Variants in TMC1 observed in about 807,000 individuals in gnomAD.
TMC1 encodes transmembrane channel-like protein 1.
Under a neutral mutation model 105.8 loss-of-function variants are expected in TMC1, and 84 were observed. The ratio of observed to expected loss-of-function variants is 0.79; its 90% CI spans 0.67 to 0.95. The LOEUF (loss-of-function observed/expected upper bound fraction) is 0.95, where lower values mean the gene tolerates loss of function less well. Among genes scored for constraint, TMC1 ranks in the 40% least tolerant of loss-of-function variants. The pLI is 0.00. For missense variants in TMC1, 817 were observed against 914.1 expected, an observed-to-expected ratio of 0.89 and a Z score of 1.37; for synonymous variants, 315 against 311.5, an observed-to-expected ratio of 1.01 and a Z score of -0.12.
At chr9:72,675,992 T>C (rs1826196190) in intron 5 of TMC1, among the ~76,000 whole-genome samples, 1 of 152,170 alleles carries the variant, frequency 6.6e-6, no homozygotes, top group African/African-American at 2.4e-5. Context: ...AAATGACTGC[T>C]GGTCCTTTGT....
At chr9:72,772,385 G>A in intron 12 of TMC1, 28 bp from the exon 13 acceptor site, 1 of 1,613,526 alleles carries the variant, frequency 6.2e-7, no homozygotes, top group Non-Finnish European at 8.5e-7. Flanking sequence ...CACGACAACT[G>A]CTAAGTGGCT....
intron 1 of TMC1, among the ~76,000 whole-genome samples, chr9:72,556,540 C>A (rs746753566): frequency 5.9e-5 from 9 of 151,836 alleles, no homozygotes; most frequent in Non-Finnish European, 1.2e-4. Flanking sequence ...GGTTCTCAGA[C>A]GGACATAGTG....
intron 23 of TMC1, among the ~76,000 whole-genome samples, chr9:72,831,588 T>G (rs1485589188): frequency 1.3e-5 from 2 of 151,830 alleles, no homozygotes; most frequent in African/African-American, 4.8e-5. Context: ...CCCTCCCTGC[T>G]CCCCCCACCG....
At chr9:72,635,845 C>G (rs968114225) in intron 4 of TMC1, among the ~76,000 whole-genome samples, 2 of 152,184 alleles carry the variant, frequency 1.3e-5, no homozygotes, top group Admixed American at 6.5e-5. Flanking sequence ...TATCACCTCA[C>G]TGAATGCTTG....
chr9:72,732,659 A>G (rs562714968), intron 8 of TMC1, among the ~76,000 whole-genome samples: 1 of 152,260 alleles, frequency 6.6e-6, no homozygotes, highest in Non-Finnish European at 1.5e-5. Flanking sequence ...CACTGTTTCA[A>G]CTTTTGTATG....
At chr9:72,683,733 T>TTTTATATATATA (rs1179876329) in intron 5 of TMC1, among the ~76,000 whole-genome samples, 3 of 53,396 alleles carry the variant, frequency 5.6e-5, no homozygotes, top group African/African-American at 1.2e-4. Context: ...GTTACACATT[T>TTTTATATATATA]TATATATATA....
At chr9:72,756,876 T>C (rs1009446988) in intron 12 of TMC1, among the ~76,000 whole-genome samples, 2 of 152,162 alleles carry the variant, frequency 1.3e-5, no homozygotes, top group African/African-American at 4.8e-5. Flanking sequence ...GTAAGAGAGT[T>C]ACTAATGAGT....
chr9:72,729,400 T>G (rs976898999), intron 8 of TMC1, among the ~76,000 whole-genome samples: 1 of 152,106 alleles, frequency 6.6e-6, no homozygotes, highest in Non-Finnish European at 1.5e-5. Context: ...CTCTTTTTGC[T>G]TGTTCTTAGT....
chr9:72,636,145 AG>A (rs1244879199), intron 4 of TMC1, among the ~76,000 whole-genome samples: 2 of 152,172 alleles, frequency 1.3e-5, no homozygotes, highest in Non-Finnish European at 2.9e-5. Flanking sequence ...CTGAGGATGG[AG>A]ACTTTCTAAG....
chr9:72,549,902 G>A (rs1310831545), intron 1 of TMC1, among the ~76,000 whole-genome samples: 1 of 151,680 alleles, frequency 6.6e-6, no homozygotes, highest in Non-Finnish European at 1.5e-5. Context: ...GTGAGCCACC[G>A]AGCCCGGCCT....
chr9:72,789,113 A>T lies in TMC1; in HGVS notation c.1030-10A>T, dbSNP rs780945081. 3.1e-6 allele frequency: 5 copies of T among 1,612,044 alleles called. No individual in the cohort carries two copies. In the Admixed American group the frequency reaches 6.7e-5, roughly 21 times the overall value. On this transcript the variant is annotated splice_polypyrimidine_tract_variant and intron_variant, in intron 14 of 23. Coordinates refer to ENST00000297784, the MANE Select transcript of TMC1 (RefSeq NM_138691.3). The stretch of plus-strand genomic sequence containing the variant: ...GGTTTTTGTTTGTTTGTTTGTTTTC[A>T]TGGATACAGGAAGCTATCACAGAAG...
At chr9:72,786,442 C>CAAACAAAAACAAAACAA (rs199722739) in intron 13 of TMC1, among the ~76,000 whole-genome samples, 3 of 151,966 alleles carry the variant, frequency 2.0e-5, no homozygotes, top group East Asian at 1.9e-4. Context: ...GACTCCTCCT[C>CAAACAAAAACAAAACAA]AAACAAAAAC....
intron 2 of TMC1, among the ~76,000 whole-genome samples, chr9:72,579,345 T>C (rs1824438067): frequency 6.6e-6 from 1 of 152,206 alleles, no homozygotes; most frequent in Non-Finnish European, 1.5e-5. Flanking sequence ...GACTCTGCCT[T>C]GGAAATCTGA....
intron 2 of TMC1, among the ~76,000 whole-genome samples, chr9:72,601,451 C>T (rs1473932493): frequency 6.6e-6 from 1 of 152,020 alleles, no homozygotes; most frequent in Non-Finnish European, 1.5e-5. Context: ...CAAGACCAGC[C>T]TGGCCAACAT....
chr9:72,754,902 A>G lies in TMC1; in HGVS notation c.741+18A>G. On this transcript the variant is annotated intron_variant, in intron 12 of 23. Transcript: ENST00000297784. ...ACTTCAATGTAAGTGTCTCCACACA[A>G]GTGTATTGGTGGGAGGATGGATTTT... The G allele has an allele frequency of 6.4e-7, 1 of 1,569,906 alleles. No individual in the cohort carries two copies. The highest frequency in any genetic ancestry group is 8.8e-7 in the Non-Finnish European group (1 of 1,139,602).
chr9:72,539,342 G>T (rs1172058938), intron 1 of TMC1, among the ~76,000 whole-genome samples: 1 of 152,118 alleles, frequency 6.6e-6, no homozygotes, highest in Non-Finnish European at 1.5e-5. Context: ...GGAGATGGAG[G>T]TTTCAATGAT....
intron 20 of TMC1, among the ~76,000 whole-genome samples, chr9:72,825,889 T>C (rs957423430): frequency 1.1e-4 from 17 of 152,136 alleles, no homozygotes; most frequent in Non-Finnish European, 1.5e-5. Context: ...CAATGACTAC[T>C]GACAAAATAT....
intron 8 of TMC1, among the ~76,000 whole-genome samples, chr9:72,704,854 G>C (rs949497654): frequency 6.6e-6 from 1 of 152,104 alleles, no homozygotes; most frequent in Non-Finnish European, 1.5e-5. Context: ...CAGAATGAAA[G>C]CTGCTGTTTT....
In TMC1 at chr9:72,834,330, C is replaced by G. The variant is rs141884642; in HGVS notation, c.2261-1621C>G. Among the ~76,000 whole-genome samples the G allele has an allele frequency of 1.9e-3, 285 of 152,002 alleles. 2 individuals carry two copies. The highest frequency in any genetic ancestry group is 6.6e-3 in the African/African-American group (274 of 41,446). ...TCTGTTTTCTCTAAGCTGTTTTGTT[C>G]TTCTTTCTCCCCTGCTTGGTAATTC... is the stretch of plus-strand genomic sequence containing the variant. On this transcript the variant is annotated intron_variant, in intron 23 of 23. Coordinates refer to ENST00000297784, the MANE Select transcript of TMC1 (RefSeq NM_138691.3).
Sources: allele counts gnomAD v4.1 joint callset (sites outside exome capture counted in the v4.1 genomes callset), GRCh38; gene constraint gnomAD v4.1.1; transcripts MANE v1.5; gene names NCBI Gene and HGNC (gene_info 2026-07-23, HGNC 2026-07-21).